Variants in C4orf51 observed in about 807,000 individuals in gnomAD.
C4orf51 encodes the protein uncharacterized protein C4orf51.
A neutral mutation model predicts 25.2 loss-of-function variants in C4orf51; 25 were observed. That is an observed-to-expected ratio of 0.99 (90% CI 0.72 to 1.39). The LOEUF is 1.39. Ranked by LOEUF, C4orf51 falls within the 40% of genes most tolerant of loss-of-function variation. The pLI, the probability that C4orf51 is intolerant of heterozygous loss-of-function variation, is 0.00. For missense variants in C4orf51, 252 were observed against 239.6 expected, an observed-to-expected ratio of 1.05 and a Z score of -0.34; for synonymous variants, 100 against 84.5, an observed-to-expected ratio of 1.18 and a Z score of -1.01.
the C4orf51 span, among the ~76,000 whole-genome samples, chr4:145,778,524 A>C: frequency 6.6e-6 from 1 of 152,140 alleles, no homozygotes; most frequent in East Asian, 1.9e-4. Flanking sequence ...AGATGGAAGG[A>C]TCACTTGAAC....
downstream of C4orf51, among the ~76,000 whole-genome samples, chr4:145,736,887 A>G (rs1732832830): frequency 1.3e-5 from 2 of 152,180 alleles, no homozygotes; most frequent in African/African-American, 4.8e-5. Context: ...TGGGGAACCT[A>G]GGATCTGTCA....
downstream of C4orf51, chr4:145,774,392 T>A (rs561508104): frequency 4.9e-5 from 58 of 1,191,690 alleles, 1 homozygote; most frequent in Admixed American, 1.1e-3. Flanking sequence ...CTTCCTTCCA[T>A]GGAAGGAAAA....
intron 1 of C4orf51, chr4:145,754,139 T>C (rs1055970452): frequency 1.3e-5 from 2 of 152,212 alleles, no homozygotes; most frequent in African/African-American, 4.8e-5. Context: ...ACACCAAATA[T>C]GATCATTGTA....
chr4:145,729,403 G>A (rs974137987), intron 4 of C4orf51, among the ~76,000 whole-genome samples, 174 bp downstream of exon 4: 4 of 136,626 alleles, frequency 2.9e-5, no homozygotes, highest in South Asian at 2.5e-4. Flanking sequence ...CCACGTTCAC[G>A]CCATTCTCCT....
At chr4:145,769,776 A>C (rs1193666117) in intron 1 of C4orf51, among the ~76,000 whole-genome samples, 2 of 152,222 alleles carry the variant, frequency 1.3e-5, no homozygotes, top group Admixed American at 6.5e-5. Context: ...AGGTGATGCA[A>C]CTTCACACAT....
the C4orf51 span, among the ~76,000 whole-genome samples, chr4:145,781,195 C>CAAAAA: frequency 1.3e-3 from 76 of 56,548 alleles, no homozygotes; most frequent in East Asian, 5.4e-3. Context: ...GACACCATCT[C>CAAAAA]AAAAAAAAAA....
chr4:145,761,711 G>T lies in C4orf51; in HGVS notation n.167-9277G>T. 1.6e-6 allele frequency: 1 copy of T among 633,382 alleles called. No individual in the cohort carries two copies. The highest frequency in any genetic ancestry group is 6.9e-5 in the East Asian group (1 of 14,588). 39.2% of individuals were successfully genotyped at this position (633,382 alleles called of 1,614,324 possible). A position where few individuals can be genotyped will look rare whatever the true frequency, so the allele number is the denominator to read the frequency against. ...ACCACCCCCCAGTGTCTGAGGCCTGGCCTGCCCAGCCCAGCCCAGCCCTGC... is the reference window on the plus strand; with the variant it reads ...ACCACCCCCCAGTGTCTGAGGCCTGTCCTGCCCAGCCCAGCCCAGCCCTGC... On this transcript the variant is annotated intron_variant and non_coding_transcript_variant, in intron 1 of 1. Transcript: ENST00000510096. This position sits in a 1 kb window ranked among gnomAD's most constrained non-coding sequence, Gnocchi z 6.8.
At chr4:145,771,016 T>C (rs563704340) in exon 2 of C4orf51, 1 of 152,248 alleles carries the variant, frequency 6.6e-6, no homozygotes, top group Non-Finnish European at 1.5e-5. Context: ...GTTTTAGCTG[T>C]ATGTGTTTCC....
chr4:145,781,129 G>C, the C4orf51 span, among the ~76,000 whole-genome samples: 1 of 145,758 alleles, frequency 6.9e-6, no homozygotes, highest in Admixed American at 6.9e-5. Flanking sequence ...CCGGGAGGTG[G>C]AGGTTGCAGT....
rs547924259 is a variant in C4orf51 at position 145,699,010 on chromosome 4, T to C, written c.307+2378T>C. The stretch of plus-strand genomic sequence containing the variant: ...CCTTGCCTTAACTGATGACATTACC[T>C]TGTGAAAGTCCTTTTCCTGGCTCAT... On this transcript the variant is annotated intron_variant, in intron 2 of 5. Transcript: ENST00000438731. 6.6e-5 allele frequency among the ~76,000 whole-genome samples: 10 copies of C among 151,868 alleles called. No homozygotes were observed. In the South Asian group the frequency reaches 2.1e-3, roughly 32 times the overall value.
chr4:145,783,430 A>C, the C4orf51 span, among the ~76,000 whole-genome samples: 4 of 152,222 alleles, frequency 2.6e-5, no homozygotes, highest in Non-Finnish European at 4.4e-5. Flanking sequence ...AACTGCTTTC[A>C]TGATTCTATT....
chr4:145,738,428 C>A (rs888910485), intron 1 of C4orf51, among the ~76,000 whole-genome samples: 4 of 146,934 alleles, frequency 2.7e-5, no homozygotes, highest in African/African-American at 1.0e-4. Context: ...CCAGCCTGGG[C>A]GACAGAGCGA....
rs1259661227 is a variant in C4orf51 at position 145,761,661 on chromosome 4, C to T, written n.167-9327C>T. 1.8e-5 allele frequency: 19 copies of T among 1,037,818 alleles called. No individual in the cohort carries two copies. The highest frequency in any genetic ancestry group is 2.3e-5 in the Non-Finnish European group (18 of 787,152). The allele number at this position is 1,037,818 out of a possible 1,614,324, so 64.3% of individuals were successfully genotyped here. ...AAGGTTCGGAGGCAGCCGCGCTTCT[C>T]GCCGCCTCACCAGCCTTCCCTCACA... On this transcript the variant is annotated intron_variant and non_coding_transcript_variant, in intron 1 of 1. Transcript: ENST00000510096. This position sits in a 1 kb window ranked among gnomAD's most constrained non-coding sequence, Gnocchi z 6.8.
intron 3 of C4orf51, among the ~76,000 whole-genome samples, chr4:145,727,605 G>A (rs951455693): frequency 6.6e-5 from 10 of 151,848 alleles, no homozygotes; most frequent in African/African-American, 2.4e-4. Context: ...GCCGGGCACG[G>A]TGGCTCATGC....
At position 145,751,958 on chromosome 4, in the gene C4orf51, G is replaced by A. The variant is rs925137316; in HGVS notation, n.168-2249G>A. On this transcript the variant is annotated intron_variant and non_coding_transcript_variant, in intron 1 of 1. Transcript: ENST00000508981. ...CCCACAATATGGTGGGTACCGCCAG[G>A]TGACTGCTGATGTTCCCTTAAGGCC... Among the ~76,000 whole-genome samples the A allele has an allele frequency of 3.3e-5, 5 of 152,192 alleles. No individual in the cohort carries two copies. The South Asian group carries it at 1.0e-3, about 31-fold the overall frequency.
Position 145,680,392 on chromosome 4 carries a change from C to T in C4orf51, c.189C>T (p.Ser63=), listed in dbSNP as rs1470856095. ...AACAACTGGACAAGTCCATGTGCAGCCAATTTTCTTTTAGAGCAGGACAGC... is the reference window on the plus strand; with the variant it reads ...AACAACTGGACAAGTCCATGTGCAGTCAATTTTCTTTTAGAGCAGGACAGC... ...RKKQLDKSMC[S]QFSFRAGQHE... is the part of the protein sequence containing the mutation. Residue 63 remains serine, a synonymous_variant, in exon 1 of 6, where the codon AGC becomes AGT. Transcript: ENST00000438731. 3 of 1,613,810 alleles carry T rather than the reference C, an allele frequency of 1.9e-6. No individual in the cohort carries two copies. Among genetic ancestry groups the T allele is most frequent in the Non-Finnish European group, 2.5e-6 (3 of 1,179,860 alleles).
intron 1 of C4orf51, among the ~76,000 whole-genome samples, chr4:145,694,044 G>A (rs1405683374): frequency 6.5e-5 from 9 of 139,174 alleles, no homozygotes; most frequent in African/African-American, 1.1e-4. Flanking sequence ...GCCGGGCAGA[G>A]ACGCTCCTCA....
chr4:145,700,814 A>T (rs562441463), intron 2 of C4orf51, among the ~76,000 whole-genome samples: 2 of 151,732 alleles, frequency 1.3e-5, no homozygotes, highest in Non-Finnish European at 2.9e-5. Flanking sequence ...CTAGGTCCCA[A>T]TTCTTCCTCA....
At chr4:145,716,584 A>G (rs1201288891) in intron 2 of C4orf51, among the ~76,000 whole-genome samples, 1 of 152,238 alleles carries the variant, frequency 6.6e-6, no homozygotes, top group Admixed American at 6.5e-5. Context: ...AAGGTTTAAC[A>G]AGACTAATGA....
Sources: allele counts gnomAD v4.1 joint callset (sites outside exome capture counted in the v4.1 genomes callset), GRCh38; gene constraint gnomAD v4.1.1; non-coding constraint Gnocchi (gnomAD v3.1); transcripts MANE v1.5; gene names NCBI Gene and HGNC (gene_info 2026-07-23, HGNC 2026-07-21).